PATJ: variants seen among roughly 807,000 people sequenced by gnomAD.
PATJ encodes the protein PATJ crumbs cell polarity complex component, also known as inaD-like protein.
PATJ carries 190 observed loss-of-function variants against 224.9 expected under a neutral mutation model. The observed-to-expected ratio is 0.84, with a 90% CI of 0.75 to 0.95. PATJ has a LOEUF of 0.95. PATJ is among the 40% of genes least tolerant of loss of function. The pLI is 0.00. For missense variants in PATJ, 2,121 were observed against 2,270.3 expected, an observed-to-expected ratio of 0.93 and a Z score of 1.34; for synonymous variants, 769 against 820.3, an observed-to-expected ratio of 0.94 and a Z score of 1.07.
intron 28 of PATJ, among the ~76,000 whole-genome samples, chr1:62,005,922 T>C (rs1300506350): frequency 6.6e-6 from 1 of 152,216 alleles, no homozygotes; most frequent in African/African-American, 2.4e-5. Context: ...TTGTTAGGTA[T>C]AATATATTAT....
chr1:61,914,747 T>G, intron 26 of PATJ, 83 bp downstream of exon 26: 13 of 761,076 alleles, frequency 1.7e-5, no homozygotes, highest in African/African-American at 5.3e-5. Flanking sequence ...ATAATAGAAG[T>G]GGCTTTTTGA....
At chr1:61,831,725 CTGGTGGGAGTGT>C (rs1419660112) in intron 16 of PATJ, among the ~76,000 whole-genome samples, 1 of 152,154 alleles carries the variant, frequency 6.6e-6, no homozygotes, top group Non-Finnish European at 1.5e-5. Flanking sequence ...ATTAGCACTG[CTGGTGGGAGTGT>C]AAATTAGTTC....
chr1:61,776,064 G>A (rs1646896882), intron 7 of PATJ, among the ~76,000 whole-genome samples: 1 of 152,200 alleles, frequency 6.6e-6, no homozygotes, highest in Non-Finnish European at 1.5e-5. Context: ...ACATACGTAA[G>A]TAAAAATGAA....
At chr1:61,881,410 T>A (rs748439810) in intron 21 of PATJ, among the ~76,000 whole-genome samples, 1 of 110,734 alleles carries the variant, frequency 9.0e-6, no homozygotes, top group African/African-American at 2.8e-5. Context: ...AACAGTTATT[T>A]TTTTTTTTTT....
In PATJ at chr1:62,161,130, A is replaced by T; in HGVS notation, c.*76A>T. 1 of 1,197,566 alleles carries T rather than the reference A, an allele frequency of 8.4e-7. No individual in the cohort carries two copies. Among genetic ancestry groups the T allele is most frequent in the East Asian group, 2.8e-5 (1 of 36,092 alleles). 74.2% of individuals were successfully genotyped at this position (1,197,566 alleles called of 1,614,324 possible). ...CAGATGAAGTTCTGAGTGGGTATGAAAAGCACCCTCAACTAAAATGCACCT... is the reference window on the plus strand; with the variant it reads ...CAGATGAAGTTCTGAGTGGGTATGATAAGCACCCTCAACTAAAATGCACCT... On this transcript the variant is annotated 3_prime_UTR_variant, in exon 44 of 44. Coordinates refer to ENST00000642238, the MANE Select transcript of PATJ (RefSeq NM_001350145.3).
chr1:62,022,393 A>G (rs967729136), intron 29 of PATJ, among the ~76,000 whole-genome samples: 3 of 152,158 alleles, frequency 2.0e-5, no homozygotes, highest in Admixed American at 2.0e-4. Flanking sequence ...CCCTAAACAT[A>G]TGGTCCCTGA....
intron 27 of PATJ, among the ~76,000 whole-genome samples, chr1:61,931,579 C>A (rs1676039418): frequency 6.6e-6 from 1 of 152,134 alleles, no homozygotes; most frequent in Admixed American, 6.5e-5. Context: ...GCCTGGGCAA[C>A]ATGGCAAAAC....
chr1:61,852,042 C>T (rs565196441), intron 17 of PATJ, among the ~76,000 whole-genome samples: 1 of 149,410 alleles, frequency 6.7e-6, no homozygotes, highest in South Asian at 2.1e-4. Flanking sequence ...GGAGTGACGG[C>T]ACACACCTGT....
rs1557644864 is a variant in PATJ, at chr1:61,787,907, A to C, written c.1003A>C (p.Thr335Pro). Residue 335 changes from threonine to proline, a missense_variant, in exon 8 of 44, where the codon ACC becomes CCC. By Grantham distance (38) the Thr-to-Pro change is conservative. Transcript: ENST00000642238. ...AGATCCAGCTGGTGACATTTCAGTCACCCCCCCTGCCCCTGCAGCCTTACC... is the reference window on the plus strand; with the variant it reads ...AGATCCAGCTGGTGACATTTCAGTCCCCCCCCCTGCCCCTGCAGCCTTACC... ...ARDPAGDISV[T>P]PPAPAALPVA... is the part of the protein sequence containing the mutation. 3.7e-6 allele frequency: 6 copies of C among 1,612,550 alleles called. No homozygotes were observed.
chr1:61,971,541 G>A (rs1682974451), intron 27 of PATJ, among the ~76,000 whole-genome samples: 1 of 152,166 alleles, frequency 6.6e-6, no homozygotes, highest in Non-Finnish European at 1.5e-5. Context: ...TTGAGCCTGT[G>A]AGGTCGAGGC....
At chr1:61,945,406 A>C (rs1678525628) in intron 27 of PATJ, among the ~76,000 whole-genome samples, 1 of 152,036 alleles carries the variant, frequency 6.6e-6, no homozygotes, top group Admixed American at 6.6e-5. Flanking sequence ...TGGAAAACAA[A>C]AAAAAAAGCA....
intron 26 of PATJ, among the ~76,000 whole-genome samples, chr1:61,915,447 TTTC>T (rs1230643058): frequency 2.0e-5 from 3 of 152,184 alleles, no homozygotes; most frequent in African/African-American, 7.2e-5. Context: ...CTTTTATATG[TTTC>T]TTCTTCTTAG....
At chr1:61,893,996 T>G (rs1378148420) in intron 22 of PATJ, among the ~76,000 whole-genome samples, 1 of 152,106 alleles carries the variant, frequency 6.6e-6, no homozygotes, top group Non-Finnish European at 1.5e-5. Flanking sequence ...GGCTCATGCC[T>G]GTTATCCTAG....
intron 27 of PATJ, among the ~76,000 whole-genome samples, chr1:61,928,312 T>C (rs1675528610): frequency 6.6e-6 from 1 of 152,238 alleles, no homozygotes; most frequent in African/African-American, 2.4e-5. Flanking sequence ...TATATTTAAC[T>C]GTGGCTTTAC....
chr1:61,967,137 A>G (rs997712248), intron 27 of PATJ, among the ~76,000 whole-genome samples: 1 of 152,202 alleles, frequency 6.6e-6, no homozygotes, highest in African/African-American at 2.4e-5. Context: ...CTCTGACAAT[A>G]GAATTCTATT....
chr1:61,875,452 C>A, intron 21 of PATJ, 86 bp downstream of exon 21: 1 of 1,055,804 alleles, frequency 9.5e-7, no homozygotes, highest in Non-Finnish European at 1.4e-6. Context: ...ATTTCACCGT[C>A]ATATTTTTAT....
chr1:62,074,493 G>A (rs974867079), intron 31 of PATJ, among the ~76,000 whole-genome samples: 2 of 151,916 alleles, frequency 1.3e-5, no homozygotes, highest in African/African-American at 4.8e-5. Flanking sequence ...GAGTACAGTA[G>A]TGCAATCATA....
In PATJ at chr1:62,106,156, G is replaced by GTATATATATATATA. The variant is rs1372747156; in HGVS notation, c.4378-2280_4378-2279insATATATATATATAT. ...TATACATGTGTATATGTGTGTGTGT[G>GTATATATATATATA]TGTATATATATATATATATATATAT... On this transcript the variant is annotated intron_variant, in intron 33 of 43. Transcript: ENST00000642238. 9.7e-3 allele frequency among the ~76,000 whole-genome samples: 532 copies of GTATATATATATATA among 54,776 alleles called. 50 individuals are homozygous for GTATATATATATATA. The highest frequency in any genetic ancestry group is 0.014 in the Non-Finnish European group (348 of 24,148). 35.9% of individuals were successfully genotyped at this position (54,776 alleles called of 152,430 possible).
intron 43 of PATJ, 63 bp from the exon 44 acceptor site, chr1:62,160,845 A>C: frequency 6.4e-7 from 1 of 1,558,426 alleles, no homozygotes; most frequent in Non-Finnish European, 8.8e-7. Flanking sequence ...TAGAGGTTTT[A>C]ATATCAATTT....
Sources: gnomAD v4.1 joint callset for allele counts (sites outside exome capture counted in the v4.1 genomes callset) on GRCh38, gnomAD v4.1.1 for gene constraint, MANE v1.5 for transcripts, NCBI Gene and HGNC (gene_info 2026-07-23, HGNC 2026-07-21) for gene names.